The following WWOX variants were observed in gnomAD, a reference collection of about 807,000 sequenced individuals.
WWOX encodes the protein WW domain containing oxidoreductase, also known as WW domain-containing oxidoreductase.
WWOX carries 69 observed loss-of-function variants against 46.2 expected under a neutral mutation model. That is an observed-to-expected ratio of 1.49 (90% CI 1.23 to 1.82). The LOEUF (loss-of-function observed/expected upper bound fraction) is 1.82. WWOX is among the 40% of genes most tolerant of loss of function. The pLI, the probability that WWOX is intolerant of heterozygous loss-of-function variation, is 0.00. For synonymous variants in WWOX, 359 were observed against 202.6 expected, an observed-to-expected ratio of 1.77 and a Z score of -6.56; for missense variants, 919 against 542.6, an observed-to-expected ratio of 1.69 and a Z score of -6.89.
intron 8 of WWOX, among the ~76,000 whole-genome samples, chr16:78,846,029 C>A (rs542504981): frequency 3.3e-5 from 5 of 152,132 alleles, no homozygotes; most frequent in Non-Finnish European, 7.4e-5. Context: ...AGGCACTGCA[C>A]AGGATGGAAA....
rs2080985525 is a variant in WWOX, at chr16:78,340,175, T to C, written c.517-46685T>C. On this transcript the variant is annotated intron_variant, in intron 5 of 8. Transcript: ENST00000566780. ...ATCTTCTCAAAATTGTTTTCATTTC[T>C]TTTGGTAATTGTGTTTGATGATAGT... is the stretch of plus-strand genomic sequence containing the variant. Among the ~76,000 whole-genome samples, 3 of 114,858 alleles carry C rather than the reference T, an allele frequency of 2.6e-5. 1 individual carries two copies. Among genetic ancestry groups the C allele is most frequent in the Middle Eastern group, 8.1e-3 (2 of 246 alleles). 75.4% of individuals were successfully genotyped at this position (114,858 alleles called of 152,430 possible). A position where few individuals can be genotyped will look rare whatever the true frequency, so the allele number is the denominator to read the frequency against.
At chr16:78,482,731 C>G (rs948743228) in intron 8 of WWOX, among the ~76,000 whole-genome samples, 2 of 152,092 alleles carry the variant, frequency 1.3e-5, no homozygotes, top group African/African-American at 4.8e-5. Flanking sequence ...TGGCAGAGCA[C>G]TTATTGGCGC....
chr16:78,385,134 AACACACACAC>A (rs61262578), intron 5 of WWOX, among the ~76,000 whole-genome samples: 1 of 143,050 alleles, frequency 7.0e-6, no homozygotes, highest in Non-Finnish European at 1.5e-5. Flanking sequence ...ACTCCATCTA[AACACACACAC>A]ACACACACAC....
intron 5 of WWOX, among the ~76,000 whole-genome samples, chr16:78,352,374 C>G (rs540312751): frequency 6.6e-6 from 1 of 152,192 alleles, no homozygotes; most frequent in Non-Finnish European, 1.5e-5. Flanking sequence ...GGGCTAAAAT[C>G]GATGTGTCAG....
chr16:79,037,304 C>T (rs2047887003), intron 8 of WWOX, among the ~76,000 whole-genome samples: 2 of 152,146 alleles, frequency 1.3e-5, no homozygotes, highest in South Asian at 2.1e-4. Flanking sequence ...AGTGCTGGGG[C>T]ATGGGTGAAA....
intron 8 of WWOX, among the ~76,000 whole-genome samples, chr16:78,763,247 T>G (rs541217377): frequency 6.6e-6 from 1 of 152,370 alleles, no homozygotes; most frequent in East Asian, 1.9e-4. Flanking sequence ...AAGTACTGCT[T>G]TACCTGCATC....
intron 8 of WWOX, among the ~76,000 whole-genome samples, chr16:78,665,924 A>G (rs1047680706): frequency 6.6e-6 from 1 of 151,842 alleles, no homozygotes; most frequent in African/African-American, 2.4e-5. Flanking sequence ...ACTTCAAGTG[A>G]TCTGCCCACC....
chr16:78,333,092 C>G (rs2080801933), intron 5 of WWOX, among the ~76,000 whole-genome samples: 1 of 123,782 alleles, frequency 8.1e-6, no homozygotes, highest in Admixed American at 9.8e-5. Context: ...CTCTGTCACC[C>G]AGGCCTGGAG....
intron 8 of WWOX, among the ~76,000 whole-genome samples, chr16:78,453,373 A>C (rs1305727408): frequency 6.6e-6 from 1 of 151,784 alleles, no homozygotes; most frequent in Non-Finnish European, 1.5e-5. Flanking sequence ...CAGTGAGTGG[A>C]GATCACGCCA....
rs886398426 is a variant in WWOX, at chr16:78,199,816, G to T, written c.516+35527G>T. Among the ~76,000 whole-genome samples the T allele has an allele frequency of 3.3e-5, 5 of 152,140 alleles. No individual in the cohort carries two copies. The East Asian group carries it at 9.6e-4, about 29-fold the overall frequency. On this transcript the variant is annotated intron_variant, in intron 5 of 8. Transcript: ENST00000566780. ...CCCTCTTCTCTCTTGTCAGAATCCAGCAGCTGATGGCATTTATGTCTGTAG... is the reference window on the plus strand; with the variant it reads ...CCCTCTTCTCTCTTGTCAGAATCCATCAGCTGATGGCATTTATGTCTGTAG...
intron 8 of WWOX, among the ~76,000 whole-genome samples, chr16:78,675,038 A>T (rs1221071799): frequency 6.6e-6 from 1 of 152,226 alleles, no homozygotes; most frequent in African/African-American, 2.4e-5. Context: ...TATGTACATT[A>T]CATGGTAAGT....
chr16:78,930,632 G>C (rs911955347), intron 8 of WWOX, among the ~76,000 whole-genome samples: 1 of 149,322 alleles, frequency 6.7e-6, no homozygotes, highest in Non-Finnish European at 1.5e-5. Flanking sequence ...CACTCAGTTT[G>C]AAGGCACCAT....
At chr16:79,000,317 C>T (rs1254227269) in intron 8 of WWOX, among the ~76,000 whole-genome samples, 1 of 152,224 alleles carries the variant, frequency 6.6e-6, no homozygotes, top group Non-Finnish European at 1.5e-5. Context: ...CCAGGCCCTA[C>T]TCCTAATTCC....
At chr16:78,190,942 A>T (rs1256648981) in intron 5 of WWOX, among the ~76,000 whole-genome samples, 1 of 152,150 alleles carries the variant, frequency 6.6e-6, no homozygotes, top group African/African-American at 2.4e-5. Flanking sequence ...TCATCTGATC[A>T]TTGTGTGACT....
intron 5 of WWOX, among the ~76,000 whole-genome samples, chr16:78,226,601 C>T (rs2037068175): frequency 6.7e-6 from 1 of 149,454 alleles, no homozygotes; most frequent in Admixed American, 6.7e-5. Flanking sequence ...TTCTTTCTTC[C>T]TGTATTATTT....
At chr16:78,966,666 T>C (rs1567444789) in intron 8 of WWOX, among the ~76,000 whole-genome samples, 1 of 152,220 alleles carries the variant, frequency 6.6e-6, no homozygotes, top group Non-Finnish European at 1.5e-5. Context: ...GATTACATTT[T>C]CAGAAGTAAG....
intron 8 of WWOX, among the ~76,000 whole-genome samples, chr16:78,472,404 G>C (rs571591527): frequency 6.6e-6 from 1 of 152,274 alleles, no homozygotes; most frequent in African/African-American, 2.4e-5. Flanking sequence ...TCTAAAGGAA[G>C]ACATTTAGAA....
chr16:78,168,089 T>G (rs1335867381), intron 5 of WWOX: 3 of 152,220 alleles, frequency 2.0e-5, no homozygotes, highest in African/African-American at 7.2e-5. Flanking sequence ...GATCCAAAGT[T>G]TTTTGTTGCA....
At chr16:79,174,656 A>T (rs1247857219) in intron 8 of WWOX, among the ~76,000 whole-genome samples, 1 of 152,196 alleles carries the variant, frequency 6.6e-6, no homozygotes, top group African/African-American at 2.4e-5. Context: ...CTCAAAAACA[A>T]AAATTAAGAG....
Sources: gnomAD v4.1 joint callset for allele counts (sites outside exome capture counted in the v4.1 genomes callset) on GRCh38, gnomAD v4.1.1 for gene constraint, MANE v1.5 for transcripts, NCBI Gene and HGNC (gene_info 2026-07-23, HGNC 2026-07-21) for gene names.